EEPD1: variants seen among roughly 807,000 people sequenced by gnomAD.
EEPD1 encodes endonuclease/exonuclease/phosphatase family domain containing 1, also known as endonuclease/exonuclease/phosphatase family domain-containing protein 1.
Under a neutral mutation model 46.3 loss-of-function variants are expected in EEPD1, and 17 were observed. The observed-to-expected ratio is 0.37, with a 90% confidence interval of 0.25 to 0.55. EEPD1 has a LOEUF of 0.55. Among genes scored for constraint, EEPD1 ranks in the 20% least tolerant of loss-of-function variants. The probability of loss-of-function intolerance (pLI) is 0.83; values close to 1 mark genes in which losing one functional copy is unlikely to be tolerated. For missense variants in EEPD1, 673 were observed against 745.6 expected (o/e 0.90, Z 1.13); for synonymous variants, 313 against 315.6 (o/e 0.99, Z 0.09).
chr7:36,207,541 C>T (rs940921749), intron 2 of EEPD1, among the ~76,000 whole-genome samples: 1 of 152,172 alleles, frequency 6.6e-6, no homozygotes, highest in African/African-American at 2.4e-5. Flanking sequence ...GCTGGTCAGT[C>T]CTCAAGCAAC....
At chr7:36,236,511 G>A (rs1786446607) in intron 2 of EEPD1, among the ~76,000 whole-genome samples, 2 of 152,200 alleles carry the variant, frequency 1.3e-5, no homozygotes, top group African/African-American at 2.4e-5. Flanking sequence ...GATTGTCTGG[G>A]ACGAGCTCCC....
At position 36,175,781 on chromosome 7, in the gene EEPD1, A is replaced by G. The variant is rs549406811; in HGVS notation, c.878+20579A>G. Among the ~76,000 whole-genome samples, 8 of 152,290 alleles carry G rather than the reference A, an allele frequency of 5.3e-5. No homozygotes were observed. In the South Asian group the frequency reaches 6.2e-4, roughly 12 times the overall value. ...AGTTGAGAGCCGCTGCTCCAGAGCC[A>G]TTTTAAAGGTACAAGGAGCGGTGCC... is the stretch of plus-strand genomic sequence containing the variant. On this transcript the variant is annotated intron_variant, in intron 2 of 7. Coordinates refer to ENST00000242108, the MANE Select transcript of EEPD1 (RefSeq NM_030636.3).
intron 2 of EEPD1, among the ~76,000 whole-genome samples, chr7:36,170,842 C>A (rs1478022127): frequency 6.6e-6 from 1 of 152,178 alleles, no homozygotes; most frequent in Non-Finnish European, 1.5e-5. Context: ...ATTACCATAT[C>A]ATTTCTGTCT....
At chr7:36,224,794 A>G (rs1695440185) in intron 2 of EEPD1, among the ~76,000 whole-genome samples, 1 of 152,194 alleles carries the variant, frequency 6.6e-6, no homozygotes, top group South Asian at 2.1e-4. Flanking sequence ...AAAGTTTTCC[A>G]TATCCTAATC....
At chr7:36,170,694 G>T (rs1329492684) in intron 2 of EEPD1, among the ~76,000 whole-genome samples, 1 of 149,838 alleles carries the variant, frequency 6.7e-6, no homozygotes, top group Non-Finnish European at 1.5e-5. Flanking sequence ...TTAAAAATAT[G>T]TCTAATCTAT....
At chr7:36,253,841 T>G (rs1786784713) in intron 3 of EEPD1, among the ~76,000 whole-genome samples, 1 of 152,316 alleles carries the variant, frequency 6.6e-6, no homozygotes, top group East Asian at 1.9e-4. Context: ...ATGTGTCTCC[T>G]GTATACAGCA....
chr7:36,287,860 T>C (rs1787365241), intron 6 of EEPD1, 83 bp downstream of exon 6: 1 of 1,539,478 alleles, frequency 6.5e-7, no homozygotes, highest in African/African-American at 1.4e-5. Context: ...TCTGACCACT[T>C]GGGCTGGCTG....
At chr7:36,207,104 A>G (rs985816250) in intron 2 of EEPD1, among the ~76,000 whole-genome samples, 2 of 152,142 alleles carry the variant, frequency 1.3e-5, no homozygotes, top group Non-Finnish European at 2.9e-5. Flanking sequence ...GCAGGCAGAT[A>G]TCATTCTTTT....
chr7:36,274,081 C>G (rs974747981), intron 3 of EEPD1, among the ~76,000 whole-genome samples: 1 of 152,262 alleles, frequency 6.6e-6, no homozygotes, highest in Admixed American at 6.5e-5. Flanking sequence ...GGGCCTGCCC[C>G]CTCTGGGATG....
intron 2 of EEPD1, among the ~76,000 whole-genome samples, chr7:36,162,245 C>G (rs371115088): frequency 1.3e-5 from 2 of 152,302 alleles, no homozygotes; most frequent in East Asian, 3.9e-4. Flanking sequence ...TGACAGCAGC[C>G]AAATTGCTGA....
chr7:36,251,950 G>A (rs1023304840), intron 3 of EEPD1, among the ~76,000 whole-genome samples: 1 of 152,084 alleles, frequency 6.6e-6, no homozygotes, highest in Non-Finnish European at 1.5e-5. Flanking sequence ...CCACTTAGAC[G>A]CAGTGATATG....
At chr7:36,177,566 C>G (rs974213568) in intron 2 of EEPD1, among the ~76,000 whole-genome samples, 1 of 152,192 alleles carries the variant, frequency 6.6e-6, no homozygotes, top group Non-Finnish European at 1.5e-5. Context: ...TGGCTTCCAG[C>G]TGCATTCATG....
intron 6 of EEPD1, among the ~76,000 whole-genome samples, chr7:36,291,757 T>C (rs574066531): frequency 1.3e-5 from 2 of 152,352 alleles, no homozygotes; most frequent in Non-Finnish European, 2.9e-5. Flanking sequence ...CCAAGTGTCG[T>C]GGATACATTT....
At chr7:36,284,914 C>A in intron 5 of EEPD1, 94 bp downstream of exon 5, 2 of 1,379,084 alleles carry the variant, frequency 1.5e-6, no homozygotes, top group East Asian at 2.8e-5. Context: ...TAAGAGAAGT[C>A]TCGTCTTTTT....
intron 2 of EEPD1, among the ~76,000 whole-genome samples, chr7:36,236,917 A>G (rs897263461): frequency 6.6e-6 from 1 of 152,222 alleles, no homozygotes; most frequent in Admixed American, 6.5e-5. Context: ...CCCCCTAGCC[A>G]GCAGGGGCAA....
chr7:36,271,507 T>C (rs1787101587), intron 3 of EEPD1, among the ~76,000 whole-genome samples: 1 of 152,164 alleles, frequency 6.6e-6, no homozygotes, highest in South Asian at 2.1e-4. Context: ...ATTTTGGATA[T>C]TAGCCCTTTG....
chr7:36,199,653 C>G (rs1785679353), intron 2 of EEPD1, among the ~76,000 whole-genome samples: 1 of 152,148 alleles, frequency 6.6e-6, no homozygotes, highest in Non-Finnish European at 1.5e-5. Flanking sequence ...TGAGTGACAG[C>G]ATCCTCTCTG....
chr7:36,266,852 G>A (rs369832002), intron 3 of EEPD1, among the ~76,000 whole-genome samples: 8 of 152,244 alleles, frequency 5.3e-5, no homozygotes, highest in African/African-American at 1.7e-4. Context: ...TTTGTGTCTG[G>A]CTTTTTTCGC....
intron 2 of EEPD1, among the ~76,000 whole-genome samples, chr7:36,197,857 C>T (rs1281384057): frequency 1.3e-5 from 2 of 151,488 alleles, no homozygotes; most frequent in Non-Finnish European, 2.9e-5. Context: ...CCTGCCAAAT[C>T]CCCCTCTGCG....
Sources: allele counts gnomAD v4.1 joint callset (sites outside exome capture counted in the v4.1 genomes callset), GRCh38; gene constraint gnomAD v4.1.1; transcripts MANE v1.5; gene names NCBI Gene and HGNC (gene_info 2026-07-23, HGNC 2026-07-21).